CDK14: variants seen among roughly 807,000 people sequenced by gnomAD.
The protein encoded by CDK14 is cyclin-dependent kinase 14.
CDK14 carries 34 observed loss-of-function variants against 60.7 expected under a neutral mutation model. The observed-to-expected ratio is 0.56, with a 90% confidence interval of 0.43 to 0.75. The LOEUF is 0.75. Among genes scored for constraint, CDK14 ranks in the 30% least tolerant of loss-of-function variants. The pLI, the probability that CDK14 is intolerant of heterozygous loss-of-function variation, is 0.00. For synonymous variants in CDK14, 197 were observed against 203.7 expected, an observed-to-expected ratio of 0.97 and a Z score of 0.28; for missense variants, 482 against 564.1, an observed-to-expected ratio of 0.85 and a Z score of 1.47.
chr7:90,704,506 T>C (rs534355547), intron 2 of CDK14, among the ~76,000 whole-genome samples: 65 of 152,268 alleles, frequency 4.3e-4, no homozygotes, highest in Admixed American at 3.7e-3. Flanking sequence ...ATGTGTAGGT[T>C]TTGAATGGTC....
At chr7:90,790,728 G>A in intron 5 of CDK14, 76 bp downstream of exon 5, 2 of 855,772 alleles carry the variant, frequency 2.3e-6, no homozygotes, top group East Asian at 5.1e-5. Flanking sequence ...ATACACCTCT[G>A]AATATGCTGA....
chr7:91,205,566 A>G (rs1478387919), intron 14 of CDK14, among the ~76,000 whole-genome samples: 1 of 152,212 alleles, frequency 6.6e-6, no homozygotes, highest in Non-Finnish European at 1.5e-5. Context: ...CTTAAAGGAT[A>G]TAGGATCTCC....
intron 3 of CDK14, among the ~76,000 whole-genome samples, chr7:90,730,313 C>T (rs780477093): frequency 6.6e-6 from 1 of 152,158 alleles, no homozygotes; most frequent in Non-Finnish European, 1.5e-5. Flanking sequence ...CTGCAGTAAA[C>T]ATACGTGTGC....
At chr7:90,785,246 A>G (rs1805529331) in intron 4 of CDK14, among the ~76,000 whole-genome samples, 1 of 152,218 alleles carries the variant, frequency 6.6e-6, no homozygotes, top group African/African-American at 2.4e-5. Context: ...TCTAGGTGTT[A>G]GCACATGGAC....
intron 2 of CDK14, among the ~76,000 whole-genome samples, chr7:90,720,194 A>G (rs1003586869): frequency 2.0e-5 from 3 of 152,206 alleles, no homozygotes; most frequent in African/African-American, 7.2e-5. Context: ...AGTCTAAGGT[A>G]TGCAAAATAT....
At chr7:90,897,561 A>G (rs888453270) in intron 6 of CDK14, among the ~76,000 whole-genome samples, 2 of 152,102 alleles carry the variant, frequency 1.3e-5, no homozygotes, top group Non-Finnish European at 2.9e-5. Flanking sequence ...AAAAGTACTT[A>G]TCATATACTG....
intron 14 of CDK14, among the ~76,000 whole-genome samples, chr7:91,187,879 G>A (rs575146835): frequency 5.9e-5 from 9 of 151,482 alleles, no homozygotes; most frequent in South Asian, 4.2e-4. Context: ...CCTGGCCTGC[G>A]CCATACTGTC....
At chr7:90,712,187 C>T (rs1027300475) in intron 2 of CDK14, among the ~76,000 whole-genome samples, 9 of 151,402 alleles carry the variant, frequency 5.9e-5, no homozygotes, top group Admixed American at 2.0e-4. Context: ...GTTTATAATT[C>T]AGTGGCATTA....
intron 10 of CDK14, among the ~76,000 whole-genome samples, chr7:91,023,835 C>T (rs971421930): frequency 6.6e-6 from 1 of 152,064 alleles, no homozygotes; most frequent in South Asian, 2.1e-4. Context: ...TGCAATGGCT[C>T]GATCTTAGCT....
Position 90,898,655 on chromosome 7 carries a change from C to T in CDK14, c.640-636C>T, listed in dbSNP as rs774478434. On this transcript the variant is annotated intron_variant, in intron 6 of 14. Transcript: ENST00000380050. ...AGAAGATATTTACTTGTGGACAAAT[C>T]GAGCTTGCATATTTAAAAGAATAAC... Among the ~76,000 whole-genome samples the T allele has an allele frequency of 1.6e-4, 25 of 152,012 alleles. No individual in the cohort carries two copies. In the Middle Eastern group the frequency reaches 0.014, roughly 83 times the overall value.
intron 13 of CDK14, among the ~76,000 whole-genome samples, chr7:91,114,459 G>A (rs561688462): frequency 6.6e-6 from 1 of 152,214 alleles, no homozygotes; most frequent in East Asian, 1.9e-4. Context: ...ATACCTCAGG[G>A]TGGTATTTTT....
intron 2 of CDK14, among the ~76,000 whole-genome samples, chr7:90,638,923 C>T (rs902197055): frequency 1.8e-4 from 28 of 152,122 alleles, no homozygotes; most frequent in Non-Finnish European, 2.8e-4. Flanking sequence ...TTGATCGCAT[C>T]GGCTCCTGAG....
intron 7 of CDK14, among the ~76,000 whole-genome samples, chr7:90,903,230 T>C (rs1792576193): frequency 6.6e-6 from 1 of 152,090 alleles, no homozygotes; most frequent in African/African-American, 2.4e-5. Context: ...TACTAATGGG[T>C]GTTTATCCAA....
At chr7:90,995,432 C>A (rs1407045081) in intron 10 of CDK14, among the ~76,000 whole-genome samples, 1 of 152,174 alleles carries the variant, frequency 6.6e-6, no homozygotes, top group Non-Finnish European at 1.5e-5. Context: ...AGCCAAGATT[C>A]ATTGGAATTC....
intron 2 of CDK14, among the ~76,000 whole-genome samples, chr7:90,649,869 A>G (rs1005222930): frequency 6.6e-6 from 1 of 152,168 alleles, no homozygotes; most frequent in Non-Finnish European, 1.5e-5. Flanking sequence ...ATTGATGGAC[A>G]TTTGGGTTGG....
intron 5 of CDK14, among the ~76,000 whole-genome samples, chr7:90,791,775 A>T (rs1239525432): frequency 1.3e-5 from 2 of 152,118 alleles, no homozygotes; most frequent in African/African-American, 4.8e-5. Flanking sequence ...TATTTTACCC[A>T]GCCTTTTAGC....
At chr7:90,955,113 T>C (rs1015247769) in intron 8 of CDK14, among the ~76,000 whole-genome samples, 2 of 152,138 alleles carry the variant, frequency 1.3e-5, no homozygotes, top group African/African-American at 2.4e-5. Context: ...ATTTGACTAT[T>C]CCTTTATAGT....
At chr7:90,668,699 C>CTTTT (rs59773768) in intron 2 of CDK14, among the ~76,000 whole-genome samples, 1 of 87,538 alleles carries the variant, frequency 1.1e-5, no homozygotes, top group Non-Finnish European at 2.2e-5. Flanking sequence ...GACTCGCATT[C>CTTTT]TTTTTTTTTT....
At chr7:91,193,665 A>G (rs1389664780) in intron 14 of CDK14, among the ~76,000 whole-genome samples, 2 of 152,184 alleles carry the variant, frequency 1.3e-5, no homozygotes, top group Non-Finnish European at 2.9e-5. Context: ...GTAAATCTAC[A>G]TATGTTTGAA....
Sources: gnomAD v4.1 joint callset for allele counts (sites outside exome capture counted in the v4.1 genomes callset) on GRCh38, gnomAD v4.1.1 for gene constraint, MANE v1.5 for transcripts, NCBI Gene and HGNC (gene_info 2026-07-23, HGNC 2026-07-21) for gene names.